Variants in RFX3 observed in about 807,000 individuals in gnomAD.
RFX3 encodes the protein transcription factor RFX3.
Under a neutral mutation model 98.6 loss-of-function variants are expected in RFX3, and 14 were observed. The observed-to-expected ratio is 0.14, with a 90% CI of 0.09 to 0.22. RFX3 has a LOEUF of 0.22. Among genes scored for constraint, RFX3 ranks in the 10% least tolerant of loss-of-function variants. RFX3 has a pLI of 1.00. For missense variants in RFX3, 639 were observed against 926.9 expected, an observed-to-expected ratio of 0.69 and a Z score of 4.03; for synonymous variants, 383 against 328.4, an observed-to-expected ratio of 1.17 and a Z score of -1.80.
chr9:3,443,521 T>C (rs902615100), intron 1 of RFX3, among the ~76,000 whole-genome samples: 2 of 152,148 alleles, frequency 1.3e-5, no homozygotes, highest in African/African-American at 4.8e-5. Context: ...CATGTCCCTG[T>C]AAAGGACATG....
At chr9:3,233,140 G>T (rs929949585) in intron 15 of RFX3, among the ~76,000 whole-genome samples, 3 of 152,170 alleles carry the variant, frequency 2.0e-5, no homozygotes, top group Non-Finnish European at 4.4e-5. Context: ...CAGCAGGCTG[G>T]GAAATGCATG....
intron 3 of RFX3, among the ~76,000 whole-genome samples, chr9:3,340,363 A>T (rs1833731925): frequency 6.6e-6 from 1 of 152,236 alleles, no homozygotes; most frequent in Non-Finnish European, 1.5e-5. Context: ...CATGTCTAAA[A>T]CACCAAAAGC....
chr9:3,368,442 T>C (rs919599737), intron 2 of RFX3, among the ~76,000 whole-genome samples: 2 of 152,128 alleles, frequency 1.3e-5, no homozygotes, highest in Non-Finnish European at 2.9e-5. Flanking sequence ...TTAAAGATAA[T>C]GGTTTCAATT....
rs1008459528 is a variant in RFX3 at position 3,248,616 on chromosome 9, GA to G, written c.1815-432del. On this transcript the variant is annotated intron_variant, in intron 14 of 16. Transcript: ENST00000617270. Reference sequence around the variant, plus strand: ...ATAACGATCTCTGGGGTAGGCCTTAGAAAAAAGATGCATTTCTGCCAGACAA... The same window carrying G: ...ATAACGATCTCTGGGGTAGGCCTTAGAAAAAGATGCATTTCTGCCAGACAA... Among the ~76,000 whole-genome samples, 4 of 152,128 alleles carry G rather than the reference GA, an allele frequency of 2.6e-5. No homozygotes were observed. The East Asian group carries it at 7.7e-4, about 29-fold the overall frequency.
intron 4 of RFX3, among the ~76,000 whole-genome samples, chr9:3,317,790 T>C (rs1364893395): frequency 6.6e-6 from 1 of 152,186 alleles, no homozygotes; most frequent in Non-Finnish European, 1.5e-5. Context: ...TCACTGGCCA[T>C]CAGAGAAATG....
At chr9:3,335,055 G>T (rs1297211459) in intron 3 of RFX3, among the ~76,000 whole-genome samples, 4 of 152,000 alleles carry the variant, frequency 2.6e-5, no homozygotes, top group African/African-American at 4.8e-5. Flanking sequence ...GGAGGTGGAG[G>T]TTGCAGTGAG....
chr9:3,515,951 T>G (rs913897039), intron 1 of RFX3, among the ~76,000 whole-genome samples: 14 of 152,160 alleles, frequency 9.2e-5, no homozygotes, highest in African/African-American at 3.4e-4. Context: ...GCAGAATATA[T>G]GACTTATCCT....
At chr9:3,452,117 T>C (rs1846696309) in intron 1 of RFX3, among the ~76,000 whole-genome samples, 1 of 150,628 alleles carries the variant, frequency 6.6e-6, no homozygotes. Flanking sequence ...GGGCTTTCTG[T>C]TACCCCTATG....
At chr9:3,508,641 C>T (rs190811297) in intron 1 of RFX3, among the ~76,000 whole-genome samples, 53 of 151,954 alleles carry the variant, frequency 3.5e-4, no homozygotes, top group African/African-American at 1.3e-3. Flanking sequence ...AGGCTAAATC[C>T]AAAGGGAACA....
chr9:3,295,483 T>C (rs117771765), intron 5 of RFX3, among the ~76,000 whole-genome samples: 2,343 of 152,136 alleles, frequency 0.015, 27 homozygotes, highest in Non-Finnish European at 0.026. Context: ...ATATAGGTTC[T>C]TGATATCAAG....
chr9:3,373,363 A>G (rs1228842252), intron 2 of RFX3, among the ~76,000 whole-genome samples: 1 of 152,218 alleles, frequency 6.6e-6, no homozygotes, highest in African/African-American at 2.4e-5. Flanking sequence ...ACTTCAGACA[A>G]TATCTTTCTA....
rs550435355 is a variant in RFX3 at position 3,295,783 on chromosome 9, G to A, written c.550-2525C>T. Among the ~76,000 whole-genome samples the A allele has an allele frequency of 9.2e-5, 14 of 151,916 alleles. No individual in the cohort carries two copies. In the East Asian group the frequency reaches 2.7e-3, roughly 29 times the overall value. On this transcript the variant is annotated intron_variant, in intron 5 of 16. Transcript: ENST00000617270. ...TAATGAACAGAAGACATATCATATAGAAAAATCTTCATTTAAAGGGCATTT... is the reference window on the plus strand; with the variant it reads ...TAATGAACAGAAGACATATCATATAAAAAAATCTTCATTTAAAGGGCATTT...
chr9:3,249,675 T>G (rs749248903), intron 14 of RFX3, among the ~76,000 whole-genome samples: 7 of 152,056 alleles, frequency 4.6e-5, no homozygotes, highest in East Asian at 1.9e-4. Context: ...ATAATAATAA[T>G]AAGAATAAGC....
intron 1 of RFX3, among the ~76,000 whole-genome samples, chr9:3,500,172 G>A (rs1815823438): frequency 6.6e-6 from 1 of 152,130 alleles, no homozygotes; most frequent in Admixed American, 6.6e-5. Context: ...ACACTGAGAG[G>A]TGTAAAGGCA....
chr9:3,236,755 T>C (rs1414846798), intron 15 of RFX3, among the ~76,000 whole-genome samples: 2 of 152,200 alleles, frequency 1.3e-5, no homozygotes, highest in African/African-American at 4.8e-5. Context: ...ATAGTCCACA[T>C]ATGTGAAAAT....
chr9:3,233,456 C>T (rs1347126348), intron 15 of RFX3, among the ~76,000 whole-genome samples: 1 of 152,170 alleles, frequency 6.6e-6, no homozygotes, highest in Non-Finnish European at 1.5e-5. Context: ...GCAGGCAAGC[C>T]TTGTTCTGTA....
chr9:3,398,077 T>G (rs1255398999), intron 1 of RFX3, among the ~76,000 whole-genome samples: 3 of 152,204 alleles, frequency 2.0e-5, no homozygotes, highest in Admixed American at 6.5e-5. Context: ...AGTCCAGATT[T>G]TTATGTGAAA....
At chr9:3,283,837 C>G (rs1160116860) in intron 7 of RFX3, among the ~76,000 whole-genome samples, 1 of 147,048 alleles carries the variant, frequency 6.8e-6, no homozygotes, top group Non-Finnish European at 1.5e-5. Flanking sequence ...CCCTTTATTT[C>G]ATATGCAAAA....
At chr9:3,360,062 AC>A (rs1836232773) in intron 2 of RFX3, among the ~76,000 whole-genome samples, 1 of 152,172 alleles carries the variant, frequency 6.6e-6, no homozygotes, top group African/African-American at 2.4e-5. Flanking sequence ...TCATTTCATT[AC>A]CATCCCCAAT....
Sources: gnomAD v4.1 joint callset for allele counts (sites outside exome capture counted in the v4.1 genomes callset) on GRCh38, gnomAD v4.1.1 for gene constraint, MANE v1.5 for transcripts, NCBI Gene and HGNC (gene_info 2026-07-23, HGNC 2026-07-21) for gene names.